The following WAC variants were observed in gnomAD, a reference collection of about 807,000 sequenced individuals.
The protein encoded by WAC is WW domain containing adaptor with coiled-coil.
In WAC, 11 loss-of-function variants were observed where a neutral mutation model predicts 79.6. The ratio of observed to expected loss-of-function variants is 0.14; its 90% CI spans 0.09 to 0.23. The LOEUF is 0.23. Among genes scored for constraint, WAC ranks in the 10% least tolerant of loss-of-function variants. The pLI is 1.00. For synonymous variants in WAC, 304 were observed against 276.9 expected, an observed-to-expected ratio of 1.10 and a Z score of -0.97; for missense variants, 728 against 773.5, an observed-to-expected ratio of 0.94 and a Z score of 0.70.
intron 7 of WAC, among the ~76,000 whole-genome samples, chr10:28,598,439 A>G (rs896452850): frequency 6.6e-6 from 1 of 152,190 alleles, no homozygotes; most frequent in Admixed American, 6.5e-5. Context: ...CAACACTTAA[A>G]CATTGTAATT....
intron 9 of WAC, chr10:28,611,037 A>G: frequency 1.7e-6 from 1 of 600,578 alleles, no homozygotes; most frequent in Non-Finnish European, 2.7e-6. Context: ...ATTTGTCTTA[A>G]GGTATTGCCA....
intron 4 of WAC, among the ~76,000 whole-genome samples, chr10:28,584,117 C>G (rs1046898273): frequency 6.6e-6 from 1 of 151,930 alleles, no homozygotes; most frequent in South Asian, 2.1e-4. Flanking sequence ...GGAATGTGGC[C>G]CATCTTAAAG....
intron 10 of WAC, among the ~76,000 whole-genome samples, chr10:28,612,950 G>C (rs923193834): frequency 6.6e-6 from 1 of 152,150 alleles, no homozygotes; most frequent in Non-Finnish European, 1.5e-5. Flanking sequence ...ATAAGTGGTA[G>C]TATTGGTTTT....
intron 3 of WAC, among the ~76,000 whole-genome samples, chr10:28,578,563 A>G (rs369307268): frequency 6.6e-6 from 1 of 151,848 alleles, no homozygotes. Flanking sequence ...ATAGAGTTGT[A>G]TGTCCTCCCT....
chr10:28,619,332 A>G (rs1048588871), intron 13 of WAC, among the ~76,000 whole-genome samples: 1 of 152,164 alleles, frequency 6.6e-6, no homozygotes, highest in African/African-American at 2.4e-5. Flanking sequence ...TCCTTTCATC[A>G]TCCTTATACT....
Position 28,622,583 on chromosome 10 carries a change from T to G in WAC, c.*2977T>G, listed in dbSNP as rs1438296884. 1 of 152,114 alleles carries G rather than the reference T, an allele frequency of 6.6e-6. No homozygotes were observed. Among genetic ancestry groups the G allele is most frequent in the African/African-American group, 2.4e-5 (1 of 41,422 alleles). The allele number at this position is 152,114 out of a possible 1,614,324, so 9.4% of individuals were successfully genotyped here. A position where few individuals can be genotyped will look rare whatever the true frequency, so the allele number is the denominator to read the frequency against. On this transcript the variant is annotated 3_prime_UTR_variant, in exon 14 of 14. Transcript: ENST00000354911. The stretch of plus-strand genomic sequence containing the variant: ...TTTTATTTTTCTAACTTGTCTAACC[T>G]GATTTTAAAATGACTGCAATTCCAG...
rs199699143 is a variant in WAC at position 28,533,630 on chromosome 10, C to G, written c.41+10C>G. The G allele has an allele frequency of 3.8e-6, 6 of 1,582,142 alleles. No individual in the cohort carries two copies. The highest frequency in any genetic ancestry group is 2.8e-5 in the African/African-American group (2 of 72,362). ...AGAGACTCAGTGATGGGTAAATTGT[C>G]TTTTCGTTTCGGGCCGGGCGGCGGC... On this transcript the variant is annotated intron_variant, in intron 1 of 13. Coordinates refer to ENST00000354911, the MANE Select transcript of WAC (RefSeq NM_016628.5).
At chr10:28,550,401 CCTT>C (rs1435976164) in intron 3 of WAC, among the ~76,000 whole-genome samples, 2 of 151,540 alleles carry the variant, frequency 1.3e-5, no homozygotes, top group Non-Finnish European at 2.9e-5. Context: ...ACCTCTTACT[CCTT>C]CAAGGTCCCA....
At chr10:28,576,517 C>CA (rs1839253083) in intron 3 of WAC, among the ~76,000 whole-genome samples, 1 of 151,900 alleles carries the variant, frequency 6.6e-6, no homozygotes, top group African/African-American at 2.4e-5. Flanking sequence ...ATAAAAGTTC[C>CA]AAAAAATGAC....
intron 13 of WAC, 68 bp downstream of exon 13, chr10:28,617,852 T>C (rs1841539932): frequency 6.8e-7 from 1 of 1,464,928 alleles, no homozygotes. Flanking sequence ...AACTAAAGAA[T>C]GTAAATCACA....
intron 7 of WAC, among the ~76,000 whole-genome samples, chr10:28,600,445 A>G (rs1840585012): frequency 1.3e-5 from 2 of 152,194 alleles, no homozygotes; most frequent in Non-Finnish European, 2.9e-5. Flanking sequence ...GGCCAACTTC[A>G]GCACTCAGTT....
chr10:28,561,727 C>T (rs375389069), intron 3 of WAC, among the ~76,000 whole-genome samples: 8 of 152,130 alleles, frequency 5.3e-5, no homozygotes, highest in African/African-American at 1.4e-4. Flanking sequence ...AGGAGGTGAG[C>T]GGCAGTTGAG....
At chr10:28,541,822 TTC>T (rs1287684425) in intron 3 of WAC, among the ~76,000 whole-genome samples, 1 of 152,168 alleles carries the variant, frequency 6.6e-6, no homozygotes, top group African/African-American at 2.4e-5. Flanking sequence ...ATCATTTTAG[TTC>T]TGGCTACCAC....
At chr10:28,552,867 T>TTTTTTTTTTTTTTTTTTTA (rs1837761088) in intron 3 of WAC, among the ~76,000 whole-genome samples, 1 of 94,962 alleles carries the variant, frequency 1.1e-5, no homozygotes. Context: ...TTTTTTTTTT[T>TTTTTTTTTTTTTTTTTTTA]TGTCTTCTTG....
chr10:28,596,754 A>G (rs955142280), intron 7 of WAC, among the ~76,000 whole-genome samples: 2 of 152,212 alleles, frequency 1.3e-5, no homozygotes, highest in Non-Finnish European at 2.9e-5. Flanking sequence ...TGTAGTAAAT[A>G]AATTGTCACA....
At chr10:28,539,574 T>G (rs951554815) in intron 3 of WAC, among the ~76,000 whole-genome samples, 2 of 4,438 alleles carry the variant, frequency 4.5e-4, no homozygotes, top group South Asian at 0.028. Flanking sequence ...GTTTTTTGGT[T>G]TTTTTTTTTC....
intron 10 of WAC, 29 bp from the exon 11 acceptor site, chr10:28,614,538 G>A: frequency 6.4e-7 from 1 of 1,555,944 alleles, no homozygotes; most frequent in Middle Eastern, 1.7e-4. Context: ...TAGATTTGGA[G>A]ACCATCTCAC....
chr10:28,537,646 G>A (rs1315922016), intron 3 of WAC: 1 of 152,162 alleles, frequency 6.6e-6, no homozygotes, highest in South Asian at 2.1e-4. Flanking sequence ...CATCTACTGT[G>A]TGCCAACATT....
intron 4 of WAC, chr10:28,588,832 A>G (rs1405076087): frequency 1.3e-5 from 2 of 152,162 alleles, no homozygotes; most frequent in South Asian, 2.1e-4. Flanking sequence ...AGTAATTTGC[A>G]TATCATCTCA....
Sources: gnomAD v4.1 joint callset for allele counts (sites outside exome capture counted in the v4.1 genomes callset) on GRCh38, gnomAD v4.1.1 for gene constraint, MANE v1.5 for transcripts, NCBI Gene and HGNC (gene_info 2026-07-23, HGNC 2026-07-21) for gene names.